ADAMTSL1: variants seen among roughly 807,000 people sequenced by gnomAD.
ADAMTSL1 encodes ADAMTS like 1, also known as ADAMTS-like protein 1.
Under a neutral mutation model 201.8 loss-of-function variants are expected in ADAMTSL1, and 126 were observed. The ratio of observed to expected loss-of-function variants is 0.62; its 90% CI spans 0.54 to 0.72. ADAMTSL1 has a LOEUF of 0.72. Ranked by LOEUF, ADAMTSL1 falls within the 30% of genes least tolerant of loss-of-function variation. The pLI is 0.00. For synonymous variants in ADAMTSL1, 1,121 were observed against 903.4 expected (o/e 1.24, Z -4.32); for missense variants, 2,679 against 2,277.8 (o/e 1.18, Z -3.59).
At chr9:18,486,208 C>T (rs532949993) in intron 1 of ADAMTSL1, among the ~76,000 whole-genome samples, 1 of 152,280 alleles carries the variant, frequency 6.6e-6, no homozygotes, top group South Asian at 2.1e-4. Flanking sequence ...TTTTGACCTA[C>T]AGTTAGGGAT....
At chr9:18,869,544 T>A (rs752916341) in intron 23 of ADAMTSL1, among the ~76,000 whole-genome samples, 1 of 152,254 alleles carries the variant, frequency 6.6e-6, no homozygotes, top group Admixed American at 6.5e-5. Context: ...TCATCATAGC[T>A]GGAAGCAGTA....
chr9:18,681,693 C>CAT, intron 11 of ADAMTSL1, 119 bp from the exon 12 acceptor site: 2 of 293,592 alleles, frequency 6.8e-6, no homozygotes, highest in Non-Finnish European at 1.0e-5. Flanking sequence ...CAGGAGTCCT[C>CAT]GTGTGGGGGG....
At chr9:18,105,661 A>T (rs1444288869) in intron 1 of ADAMTSL1, among the ~76,000 whole-genome samples, 5 of 152,204 alleles carry the variant, frequency 3.3e-5, no homozygotes, top group Admixed American at 6.5e-5. Flanking sequence ...CCTTACCCGT[A>T]ATGCCAAATG....
Position 18,077,528 on chromosome 9 carries a change from G to A in ADAMTSL1, c.88-86334G>A, listed in dbSNP as rs1823286937. 2.6e-5 allele frequency among the ~76,000 whole-genome samples: 4 copies of A among 152,142 alleles called. No homozygotes were observed. The South Asian group carries it at 8.3e-4, about 32-fold the overall frequency. On this transcript the variant is annotated intron_variant, in intron 1 of 29. Transcript: ENST00000680146. ...AAATGCATATCATGATTGATAAAAG[G>A]CCCCTTGGATTTAACAAGATAAGTT...
rs76175354 is a variant in ADAMTSL1 at position 18,326,258 on chromosome 9, C to A, written c.207+162277C>A. Among the ~76,000 whole-genome samples the A allele has an allele frequency of 5.0e-4, 76 of 152,234 alleles. No individual in the cohort carries two copies. In the East Asian group the frequency reaches 7.0e-3, roughly 14 times the overall value. ...TTATCTATAGTAATTGGAATCAGAA[C>A]GGTGATTACCTCTAAGGAGGAGGGC... On this transcript the variant is annotated intron_variant, in intron 2 of 29. Coordinates refer to the ADAMTSL1 transcript ENST00000680146.
At chr9:18,439,306 CT>C (rs1348974448) in intron 2 of ADAMTSL1, among the ~76,000 whole-genome samples, 2 of 152,208 alleles carry the variant, frequency 1.3e-5, no homozygotes, top group Non-Finnish European at 2.9e-5. Context: ...TTATTCCTTA[CT>C]GAGGACACCC....
chr9:18,661,953 C>G lies in ADAMTSL1; in HGVS notation c.965C>G (p.Ala322Gly). The change falls in exon 9 of 29, where the codon GCT (alanine) becomes GGT (glycine). Residue 322 changes from alanine (A) to glycine (G), a missense_variant. Coordinates refer to ENST00000380548, the MANE Select transcript of ADAMTSL1 (RefSeq NM_001040272.6). The part of the protein sequence containing the change: ...TCGGGYQLTS[A>G]ECYDLRSNRV... ...ACTACAGGTTATCAGCTGACATCGG[C>G]TGAGTGCTACGATCTGAGGAGCAAC... 6.2e-7 allele frequency: 1 copy of G among 1,613,506 alleles called. No individual in the cohort carries two copies. Among genetic ancestry groups the G allele is most frequent in the African/African-American group, 1.3e-5 (1 of 75,004 alleles).
chr9:18,766,684 C>G (rs756244141), intron 16 of ADAMTSL1, among the ~76,000 whole-genome samples: 4 of 152,154 alleles, frequency 2.6e-5, no homozygotes, highest in African/African-American at 4.8e-5. Context: ...ATAGATGGTG[C>G]TCTGTAGCTG....
intron 20 of ADAMTSL1, 113 bp from the exon 21 acceptor site, chr9:18,816,996 G>T: frequency 7.3e-7 from 1 of 1,361,206 alleles, no homozygotes; most frequent in South Asian, 1.5e-5. Flanking sequence ...ATAGTTAGTG[G>T]CAAAAGTCTG....
At chr9:18,797,863 C>T (rs1822530780) in intron 20 of ADAMTSL1, among the ~76,000 whole-genome samples, 1 of 152,174 alleles carries the variant, frequency 6.6e-6, no homozygotes, top group Non-Finnish European at 1.5e-5. Flanking sequence ...TCTAGCTCTT[C>T]TAGAGTGAAA....
intron 1 of ADAMTSL1, among the ~76,000 whole-genome samples, chr9:18,128,616 G>C (rs894123658): frequency 3.3e-5 from 5 of 152,126 alleles, no homozygotes; most frequent in African/African-American, 9.7e-5. Flanking sequence ...TGGCCCGACA[G>C]TTTGAACTAT....
intron 1 of ADAMTSL1, among the ~76,000 whole-genome samples, chr9:18,064,281 G>A (rs1822595555): frequency 6.6e-6 from 1 of 152,102 alleles, no homozygotes; most frequent in Non-Finnish European, 1.5e-5. Flanking sequence ...GACATGCAGA[G>A]GGAAATCTGC....
At chr9:17,915,765 G>C (rs1172960120) in intron 1 of ADAMTSL1, among the ~76,000 whole-genome samples, 1 of 152,076 alleles carries the variant, frequency 6.6e-6, no homozygotes, top group African/African-American at 2.4e-5. Flanking sequence ...AGCTTGTTCT[G>C]GGTTTTAATT....
intron 2 of ADAMTSL1, among the ~76,000 whole-genome samples, chr9:18,194,075 T>G (rs1188046248): frequency 6.6e-6 from 1 of 151,984 alleles, no homozygotes; most frequent in Non-Finnish European, 1.5e-5. Context: ...AGAGGACAGT[T>G]GGAGTGATAG....
intron 20 of ADAMTSL1, among the ~76,000 whole-genome samples, chr9:18,797,700 C>T (rs1439783423): frequency 6.6e-6 from 1 of 152,092 alleles, no homozygotes; most frequent in Non-Finnish European, 1.5e-5. Flanking sequence ...AGTATATAAC[C>T]TCATTGAGTC....
At chr9:18,283,467 A>G (rs970015681) in intron 2 of ADAMTSL1, among the ~76,000 whole-genome samples, 16 of 151,850 alleles carry the variant, frequency 1.1e-4, no homozygotes, top group Non-Finnish European at 2.2e-4. Context: ...TTAACTGAGT[A>G]TGATGGTACA....
intron 1 of ADAMTSL1, among the ~76,000 whole-genome samples, chr9:18,133,185 A>T (rs754357968): frequency 2.0e-5 from 3 of 152,094 alleles, no homozygotes; most frequent in Non-Finnish European, 4.4e-5. Context: ...AGGATTAAGG[A>T]GTCAGGGTTC....
At chr9:18,414,149 T>C (rs369432921) in intron 2 of ADAMTSL1, among the ~76,000 whole-genome samples, 1 of 152,204 alleles carries the variant, frequency 6.6e-6, no homozygotes, top group African/African-American at 2.4e-5. Flanking sequence ...GCTAATATCA[T>C]AAAATTTCAT....
At chr9:18,363,280 C>T (rs1356745086) in intron 2 of ADAMTSL1, among the ~76,000 whole-genome samples, 3 of 152,214 alleles carry the variant, frequency 2.0e-5, no homozygotes, top group African/African-American at 7.2e-5. Context: ...AATTGTTGGC[C>T]ATGGCTACTG....
Sources: allele counts gnomAD v4.1 joint callset (sites outside exome capture counted in the v4.1 genomes callset), GRCh38; gene constraint gnomAD v4.1.1; transcripts MANE v1.5; gene names NCBI Gene and HGNC (gene_info 2026-07-23, HGNC 2026-07-21).